Variants in ARHGAP15 observed in about 807,000 individuals in gnomAD.
ARHGAP15 encodes the protein rho GTPase-activating protein 15.
Under a neutral mutation model 63.7 loss-of-function variants are expected in ARHGAP15, and 51 were observed. The observed-to-expected ratio is 0.80, with a 90% confidence interval of 0.64 to 1.01. ARHGAP15 has a LOEUF of 1.01. Ranked by LOEUF, ARHGAP15 falls within the 50% of genes least tolerant of loss-of-function variation. The pLI is 0.00. For synonymous variants in ARHGAP15, 191 were observed against 193.8 expected, an observed-to-expected ratio of 0.99 and a Z score of 0.12; for missense variants, 560 against 564.6, an observed-to-expected ratio of 0.99 and a Z score of 0.08.
At chr2:143,528,686 A>T (rs1694394026) in intron 10 of ARHGAP15, among the ~76,000 whole-genome samples, 1 of 152,076 alleles carries the variant, frequency 6.6e-6, no homozygotes, top group East Asian at 1.9e-4. Context: ...TTTTAAAATG[A>T]TGTTGTTCTT....
At chr2:143,275,586 G>A (rs1412629055) in intron 6 of ARHGAP15, among the ~76,000 whole-genome samples, 2 of 152,178 alleles carry the variant, frequency 1.3e-5, no homozygotes, top group African/African-American at 4.8e-5. Context: ...TACTTGAAAA[G>A]ATCCAGTGAG....
At chr2:143,219,578 A>G (rs528023424) in intron 4 of ARHGAP15, among the ~76,000 whole-genome samples, 11 of 152,338 alleles carry the variant, frequency 7.2e-5, no homozygotes, top group African/African-American at 2.2e-4. Context: ...GAATATTTCC[A>G]GGAGTACAGG....
At chr2:143,196,702 A>G (rs1316707061) in intron 2 of ARHGAP15, among the ~76,000 whole-genome samples, 1 of 152,002 alleles carries the variant, frequency 6.6e-6, no homozygotes, top group Non-Finnish European at 1.5e-5. Context: ...ATTTATAAAT[A>G]TAAGAACTAG....
intron 11 of ARHGAP15, among the ~76,000 whole-genome samples, chr2:143,580,798 G>T (rs558182741): frequency 2.0e-5 from 3 of 151,770 alleles, no homozygotes; most frequent in African/African-American, 7.3e-5. Context: ...CTTGTGCCTT[G>T]TCTTCCCAAC....
intron 6 of ARHGAP15, among the ~76,000 whole-genome samples, chr2:143,384,612 C>A (rs1687194685): frequency 6.6e-6 from 1 of 151,818 alleles, no homozygotes; most frequent in African/African-American, 2.4e-5. Context: ...GGAATGTAAC[C>A]CACCTGCATA....
At chr2:143,569,352 A>G (rs913701993) in intron 11 of ARHGAP15, among the ~76,000 whole-genome samples, 2 of 152,234 alleles carry the variant, frequency 1.3e-5, no homozygotes, top group African/African-American at 4.8e-5. Context: ...TTCAGATGAT[A>G]TCAGAAATTA....
intron 6 of ARHGAP15, among the ~76,000 whole-genome samples, chr2:143,433,899 G>A (rs1373437410): frequency 6.6e-6 from 1 of 152,092 alleles, no homozygotes; most frequent in Non-Finnish European, 1.5e-5. Flanking sequence ...AGATTAGGAT[G>A]AAGGTAGAGG....
chr2:143,704,748 T>C (rs562486363), intron 13 of ARHGAP15, among the ~76,000 whole-genome samples: 33 of 152,330 alleles, frequency 2.2e-4, no homozygotes, highest in African/African-American at 7.0e-4. Flanking sequence ...TTTGCTTTTG[T>C]GAGATTAAAT....
chr2:143,423,310 C>G (rs572702895), intron 6 of ARHGAP15, among the ~76,000 whole-genome samples: 1 of 152,118 alleles, frequency 6.6e-6, no homozygotes, highest in South Asian at 2.1e-4. Context: ...CTAATCATTG[C>G]TTTCCTCTTT....
intron 13 of ARHGAP15, 21 bp from the exon 14 acceptor site, chr2:143,767,968 T>A (rs889959789): frequency 1.1e-5 from 18 of 1,588,318 alleles, no homozygotes; most frequent in East Asian, 2.2e-5. Flanking sequence ...TGAAATTATT[T>A]TTTTTTCTCT....
intron 6 of ARHGAP15, among the ~76,000 whole-genome samples, chr2:143,400,724 T>G (rs535558590): frequency 1.4e-4 from 21 of 152,166 alleles, no homozygotes; most frequent in Non-Finnish European, 2.6e-4. Context: ...TCCGTCCTTC[T>G]TATTTAAATT....
chr2:143,623,781 T>C (rs1698734889), intron 11 of ARHGAP15, among the ~76,000 whole-genome samples: 2 of 152,270 alleles, frequency 1.3e-5, no homozygotes. Flanking sequence ...CATTGGCAAC[T>C]CTTAGCCCCT....
chr2:143,401,472 G>T (rs1687985576), intron 6 of ARHGAP15, among the ~76,000 whole-genome samples: 1 of 151,932 alleles, frequency 6.6e-6, no homozygotes, highest in African/African-American at 2.4e-5. Context: ...CAGTAACTGA[G>T]AACTTATGTA....
chr2:143,542,577 C>G (rs866012594), intron 10 of ARHGAP15, among the ~76,000 whole-genome samples: 1 of 146,832 alleles, frequency 6.8e-6, no homozygotes, highest in Non-Finnish European at 1.5e-5. Flanking sequence ...TGTGTGTGTG[C>G]ACATATATAT....
intron 6 of ARHGAP15, among the ~76,000 whole-genome samples, chr2:143,405,449 C>A (rs1047066040): frequency 1.3e-5 from 2 of 151,606 alleles, no homozygotes; most frequent in Non-Finnish European, 3.0e-5. Context: ...AAAATTTACT[C>A]CCTTTATAAA....
intron 3 of ARHGAP15, among the ~76,000 whole-genome samples, chr2:143,212,018 G>T (rs1692581285): frequency 6.6e-6 from 1 of 152,170 alleles, no homozygotes; most frequent in Admixed American, 6.5e-5. Flanking sequence ...AAAAGTTGCA[G>T]ATTAAGTTTA....
chr2:143,701,459 C>A (rs1018493067), intron 12 of ARHGAP15, among the ~76,000 whole-genome samples: 1 of 152,120 alleles, frequency 6.6e-6, no homozygotes, highest in Non-Finnish European at 1.5e-5. Context: ...GTGGGCCAGG[C>A]GTGGTGGCTT....
chr2:143,340,367 G>A (rs996206326), intron 6 of ARHGAP15, among the ~76,000 whole-genome samples: 5 of 151,988 alleles, frequency 3.3e-5, no homozygotes, highest in Non-Finnish European at 5.9e-5. Context: ...AAATTTTGAC[G>A]GAATGAACAA....
At chr2:143,186,545 CT>C (rs765853966) in intron 2 of ARHGAP15, among the ~76,000 whole-genome samples, 3 of 152,130 alleles carry the variant, frequency 2.0e-5, no homozygotes, top group Non-Finnish European at 2.9e-5. Flanking sequence ...TTTCAAATCC[CT>C]GTCTCCAAAA....
Sources: allele counts gnomAD v4.1 joint callset (sites outside exome capture counted in the v4.1 genomes callset), GRCh38; gene constraint gnomAD v4.1.1; transcripts MANE v1.5; gene names NCBI Gene and HGNC (gene_info 2026-07-23, HGNC 2026-07-21).